Variants in SPG21 observed in about 807,000 individuals in gnomAD.
The protein encoded by SPG21 is maspardin.
A neutral mutation model predicts 38.9 loss-of-function variants in SPG21; 26 were observed. The observed-to-expected ratio is 0.67, with a 90% confidence interval of 0.49 to 0.93. The LOEUF is 0.93. SPG21 is among the 40% of genes least tolerant of loss of function. The probability of loss-of-function intolerance (pLI) is 0.00; values close to 1 mark genes in which losing one functional copy is unlikely to be tolerated. For synonymous variants in SPG21, 136 were observed against 128.9 expected (o/e 1.05, Z -0.37); for missense variants, 333 against 376.5 (o/e 0.88, Z 0.96).
At chr15:64,966,634 T>A (rs1264078323) in intron 7 of SPG21, among the ~76,000 whole-genome samples, 1 of 152,190 alleles carries the variant, frequency 6.6e-6, no homozygotes, top group Non-Finnish European at 1.5e-5. Flanking sequence ...GTGCGGTGGC[T>A]CACACCTGTA....
intron 7 of SPG21, among the ~76,000 whole-genome samples, chr15:64,966,670 C>A (rs1423684933): frequency 6.6e-6 from 1 of 152,102 alleles, no homozygotes. Context: ...GAGGCTGAGG[C>A]GGGCAGATCA....
chr15:64,972,462 G>C (rs2085686155), intron 5 of SPG21, among the ~76,000 whole-genome samples: 1 of 152,194 alleles, frequency 6.6e-6, no homozygotes, highest in African/African-American at 2.4e-5. Context: ...ATCTGGACGG[G>C]AAGGATTTGT....
At chr15:64,986,757 T>G (rs2086003285) in intron 1 of SPG21, among the ~76,000 whole-genome samples, 1 of 152,114 alleles carries the variant, frequency 6.6e-6, no homozygotes, top group South Asian at 2.1e-4. Flanking sequence ...CCATTTTAAC[T>G]ATAGGCTTTC....
intron 3 of SPG21, 73 bp downstream of exon 3, chr15:64,980,791 T>C: frequency 6.7e-7 from 1 of 1,503,012 alleles, no homozygotes; most frequent in African/African-American, 1.4e-5. Context: ...TTACTATAGC[T>C]GATGAGAGAC....
intron 6 of SPG21, 144 bp from the exon 7 acceptor site, chr15:64,969,506 G>C (rs1251707563): frequency 1.5e-6 from 1 of 674,158 alleles, no homozygotes. Flanking sequence ...CCACAACTTA[G>C]GTGAGAGACC....
chr15:64,979,778 C>T (rs2140438386), intron 3 of SPG21, among the ~76,000 whole-genome samples: 1 of 147,326 alleles, frequency 6.8e-6, no homozygotes, highest in African/African-American at 2.5e-5. Flanking sequence ...AGGCGACTGC[C>T]AGCTAAAGAG....
chr15:64,988,048 A>G lies in SPG21; in HGVS notation c.-25+1617T>C, dbSNP rs111678527. Among the ~76,000 whole-genome samples the G allele has an allele frequency of 3.6e-3, 549 of 151,364 alleles. 2 individuals carry two copies. The highest frequency in any genetic ancestry group is 6.2e-3 in the Admixed American group (94 of 15,190). On this transcript the variant is annotated intron_variant, in intron 1 of 8. Transcript: ENST00000204566. ...AAACTCCATCTCAAAAAAACAAACA[A>G]AACAGCAACAACAACAAAAACAAAT...
intron 2 of SPG21, 108 bp from the exon 3 acceptor site, chr15:64,981,133 T>TAACAA: frequency 7.3e-7 from 1 of 1,366,430 alleles, no homozygotes; most frequent in Non-Finnish European, 1.0e-6. Flanking sequence ...CCTTGTTTGT[T>TAACAA]ACAAGGTAAC....
At chr15:64,983,694 A>G in intron 1 of SPG21, 101 bp from the exon 2 acceptor site, 1 of 773,386 alleles carries the variant, frequency 1.3e-6, no homozygotes, top group Non-Finnish European at 2.2e-6. Context: ...TTTAAAGAAG[A>G]AAGCCAAGGA....
chr15:64,963,555 G>A lies in SPG21; in HGVS notation c.*65C>T. ...CCTGAAGGAAAAGGCTGGCTGACGG[G>A]TGCTGATGCCACTGACTATACAAGA... On this transcript the variant is annotated 3_prime_UTR_variant, in exon 9 of 9. Transcript: ENST00000204566. 7.3e-7 allele frequency: 1 copy of A among 1,364,512 alleles called. No homozygotes were observed. Among genetic ancestry groups the A allele is most frequent in the Non-Finnish European group, 1.0e-6 (1 of 955,402 alleles). The allele number at this position is 1,364,512 out of a possible 1,614,324, so 84.5% of individuals were successfully genotyped here. A position where few individuals can be genotyped will look rare whatever the true frequency, so the allele number is the denominator to read the frequency against.
At position 64,963,266 on chromosome 15, in the gene SPG21, GGAAAA is replaced by G; in HGVS notation, c.*349_*353del. Reference sequence around the variant, plus strand: ...AACATAAAAAGAAAGAAAGAAGAATGGAAAAGAAAAGAAGAAAAAAACCACCACAA... The same window carrying G: ...AACATAAAAAGAAAGAAAGAAGAATGGAAAAGAAGAAAAAAACCACCACAA... On this transcript the variant is annotated 3_prime_UTR_variant, in exon 9 of 9. Transcript: ENST00000204566. 4.6e-6 allele frequency: 1 copy of G among 217,166 alleles called. No individual in the cohort carries two copies. Among genetic ancestry groups the G allele is most frequent in the Non-Finnish European group, 9.2e-6 (1 of 108,332 alleles). The allele number at this position is 217,166 out of a possible 1,614,324, so 13.5% of individuals were successfully genotyped here.
chr15:64,988,449 T>C (rs2086043328), intron 1 of SPG21, among the ~76,000 whole-genome samples: 2 of 152,146 alleles, frequency 1.3e-5, no homozygotes, highest in Non-Finnish European at 2.9e-5. Context: ...CATAACAAAA[T>C]ATTAGAAGCT....
chr15:64,983,663 A>C, intron 1 of SPG21, 70 bp from the exon 2 acceptor site: 225 of 925,028 alleles, frequency 2.4e-4, no homozygotes, highest in Non-Finnish European at 3.4e-4. Flanking sequence ...GTAGAGTCTC[A>C]TCTAGCTATA....
chr15:64,974,929 T>C (rs1377226534), intron 4 of SPG21, among the ~76,000 whole-genome samples, 182 bp from the exon 5 acceptor site: 1 of 152,026 alleles, frequency 6.6e-6, no homozygotes, highest in Non-Finnish European at 1.5e-5. Context: ...ATACAGTCCA[T>C]CAAGATAATA....
intron 3 of SPG21, 88 bp from the exon 4 acceptor site, chr15:64,976,643 G>T: frequency 1.1e-6 from 1 of 922,052 alleles, no homozygotes; most frequent in Non-Finnish European, 1.7e-6. Flanking sequence ...CTCAAACACT[G>T]ACATTTCTCG....
At chr15:64,970,032 G>C in intron 6 of SPG21, 82 bp downstream of exon 6, 1 of 1,121,010 alleles carries the variant, frequency 8.9e-7, no homozygotes, top group Non-Finnish European at 1.4e-6. Flanking sequence ...ACATACTTGT[G>C]AGACAGATCT....
intron 8 of SPG21, among the ~76,000 whole-genome samples, chr15:64,964,195 A>G (rs886281213): frequency 2.6e-5 from 4 of 152,196 alleles, no homozygotes; most frequent in African/African-American, 9.7e-5. Context: ...CTAAATAGAG[A>G]AAAGTCAAAC....
At chr15:64,983,081 A>T (rs1320506319) in intron 2 of SPG21, 2 of 239,384 alleles carry the variant, frequency 8.4e-6, no homozygotes, top group East Asian at 3.2e-4. Flanking sequence ...AACATGGTGA[A>T]ACTCTGCCTC....
intron 2 of SPG21, chr15:64,981,290 T>TTC: frequency 4.5e-5 from 3 of 66,142 alleles, no homozygotes; most frequent in South Asian, 5.1e-4. Flanking sequence ...CCCCTCCTCC[T>TTC]TTTTTTTTTT....
Sources: gnomAD v4.1 joint callset for allele counts (sites outside exome capture counted in the v4.1 genomes callset) on GRCh38, gnomAD v4.1.1 for gene constraint, MANE v1.5 for transcripts, NCBI Gene and HGNC (gene_info 2026-07-23, HGNC 2026-07-21) for gene names.